BLMH: variants seen among roughly 807,000 people sequenced by gnomAD.
BLMH encodes bleomycin hydrolase, also known as BLM hydrolase.
In BLMH, 32 loss-of-function variants were observed where a neutral mutation model predicts 61.6. That is an observed-to-expected ratio of 0.52 (90% CI 0.39 to 0.70). The LOEUF (loss-of-function observed/expected upper bound fraction) is 0.70. Ranked by LOEUF, BLMH falls within the 30% of genes least tolerant of loss-of-function variation. BLMH has a pLI of 0.00. For synonymous variants in BLMH, 183 were observed against 193.8 expected (o/e 0.94, Z 0.46); for missense variants, 460 against 555.5 (o/e 0.83, Z 1.73).
At chr17:30,273,956 T>C in intron 7 of BLMH, 86 bp downstream of exon 7, 2 of 1,520,890 alleles carry the variant, frequency 1.3e-6, no homozygotes, top group Non-Finnish European at 1.8e-6. Context: ...TACTCATACA[T>C]GCTAACCAAG....
rs137881719 is a variant in BLMH at position 30,271,276 on chromosome 17, C to T, written c.1141G>A (p.Glu381Lys). The T allele has an allele frequency of 3.2e-3, 5,179 of 1,610,148 alleles. 11 individuals carry two copies. Among genetic ancestry groups the T allele is most frequent in the Non-Finnish European group, 4.0e-3 (4,684 of 1,176,440 alleles). Residue 381 changes from glutamate (E) to lysine (K), a missense_variant, in exon 10 of 12, where the codon GAG becomes AAG. Glu to Lys is a moderately conservative substitution (Grantham distance 56, BLOSUM62 1). Transcript: ENST00000261714. ...THAMTFTAVS[E>K]KDDQDGAFTK... ...AGGCATGCTGAGGGTCATACCTTCTCTGAGACAGCAGTGAAGGTCATGGCG... is the reference window on the plus strand; with the variant it reads ...AGGCATGCTGAGGGTCATACCTTCTTTGAGACAGCAGTGAAGGTCATGGCG...
chr17:30,285,563 T>C, intron 5 of BLMH, 83 bp from the exon 6 acceptor site: 1 of 1,122,816 alleles, frequency 8.9e-7, no homozygotes, highest in South Asian at 1.6e-5. Flanking sequence ...CAAGTTCTAT[T>C]TTGAGGTATA....
At chr17:30,249,283 TC>T in intron 11 of BLMH, 115 bp from the exon 12 acceptor site, 1 of 1,110,236 alleles carries the variant, frequency 9.0e-7, no homozygotes, top group Non-Finnish European at 1.3e-6. Flanking sequence ...TTTTCAGCTT[TC>T]CCATCTGTAA....
intron 11 of BLMH, among the ~76,000 whole-genome samples, chr17:30,263,882 G>C (rs1199430182): frequency 6.6e-6 from 1 of 152,118 alleles, no homozygotes; most frequent in Non-Finnish European, 1.5e-5. Context: ...GCAACAAACT[G>C]TTAACAATGT....
At position 30,286,898 on chromosome 17, in the gene BLMH, T is replaced by C; in HGVS notation, c.468A>G (p.Lys156=). The part of the protein sequence containing the change: ...QWDMLVNIVE[K]YGVIPKKCFP... ...AGCATTTCTTAGGGATAACACCATA[T>C]TTTTCTAAAAGAAAACAAATTCTAG... Residue 156 remains lysine, a synonymous_variant, in exon 5 of 12, where the codon AAA becomes AAG. Transcript: ENST00000261714. The C allele has an allele frequency of 3.8e-6, 6 of 1,575,706 alleles. No homozygotes were observed. Among genetic ancestry groups the C allele is most frequent in the Non-Finnish European group, 5.2e-6 (6 of 1,148,850 alleles).
intron 6 of BLMH, among the ~76,000 whole-genome samples, chr17:30,278,519 T>G (rs1297730523): frequency 6.6e-6 from 1 of 152,152 alleles, no homozygotes; most frequent in African/African-American, 2.4e-5. Context: ...TTCTGGCATA[T>G]TATACTTCTT....
Position 30,271,075 on chromosome 17 carries a change from T to C in BLMH, c.1146+196A>G, listed in dbSNP as rs145686847. ...TCCCTGCTGACCCAAATTCTCCTCA[T>C]AGAAAGTTCCTATTTTTATATTACC... On this transcript the variant is annotated intron_variant, in intron 10 of 11. Coordinates refer to ENST00000261714, the MANE Select transcript of BLMH (RefSeq NM_000386.4). Among the ~76,000 whole-genome samples the C allele has an allele frequency of 1.6e-4, 25 of 152,338 alleles. No homozygotes were observed. The East Asian group carries it at 4.8e-3, about 29-fold the overall frequency.
chr17:30,271,976 C>CT (rs1000408608), intron 9 of BLMH, among the ~76,000 whole-genome samples: 10 of 151,926 alleles, frequency 6.6e-5, no homozygotes, highest in South Asian at 2.1e-4. Context: ...CTCATTAATT[C>CT]TTTTTTTTAG....
At chr17:30,249,302 T>A in intron 11 of BLMH, 134 bp from the exon 12 acceptor site, 1 of 968,036 alleles carries the variant, frequency 1.0e-6, no homozygotes, top group Non-Finnish European at 1.5e-6. Flanking sequence ...TAATTTCATT[T>A]AATCTAAATC....
At chr17:30,261,153 T>A (rs989720037) in intron 11 of BLMH, among the ~76,000 whole-genome samples, 4 of 152,158 alleles carry the variant, frequency 2.6e-5, no homozygotes, top group African/African-American at 7.2e-5. Context: ...GACCTGCAAA[T>A]AACTGATTGT....
intron 11 of BLMH, among the ~76,000 whole-genome samples, chr17:30,253,555 C>A (rs1329209625): frequency 6.6e-6 from 1 of 152,136 alleles, no homozygotes; most frequent in Non-Finnish European, 1.5e-5. Flanking sequence ...GTGTCTGAAA[C>A]CTGTGTAGGA....
intron 6 of BLMH, among the ~76,000 whole-genome samples, chr17:30,283,518 CTTTTTTTTTTT>C (rs531841262): frequency 1.6e-5 from 2 of 127,046 alleles, no homozygotes; most frequent in African/African-American, 3.1e-5. Context: ...ATACCTCCAT[CTTTTTTTTTTT>C]TTTTTTTTTT....
intron 6 of BLMH, among the ~76,000 whole-genome samples, chr17:30,284,638 A>AT (rs1908680453): frequency 6.6e-6 from 1 of 152,232 alleles, no homozygotes; most frequent in Non-Finnish European, 1.5e-5. Flanking sequence ...TTACCACCTC[A>AT]TATTTTAGTG....
In BLMH at chr17:30,272,821, C is replaced by T. The variant is rs1461235305; in HGVS notation, c.880G>A (p.Gly294Arg). 6.2e-7 allele frequency: 1 copy of T among 1,614,162 alleles called. No homozygotes were observed. Residue 294 changes from glycine to arginine, a missense_variant, in exon 8 of 12, where the codon GGA (glycine) becomes AGA (arginine). Gly to Arg is a moderately radical substitution (Grantham distance 125). Coordinates refer to ENST00000261714, the MANE Select transcript of BLMH (RefSeq NM_000386.4). ...YTVEYLSNMV[G>R]GRKTLYNNQP... ...TTGTTGTATAGAGTTTTTCTCCCTC[C>T]AACCATATTGCTTAAGTATTCCACT... is the stretch of plus-strand genomic sequence containing the variant.
At chr17:30,262,175 A>G (rs753360473) in intron 11 of BLMH, among the ~76,000 whole-genome samples, 1 of 152,252 alleles carries the variant, frequency 6.6e-6, no homozygotes, top group African/African-American at 2.4e-5. Context: ...GTTGTTACTT[A>G]TCATATTGAG....
At chr17:30,286,463 C>G (rs1003540364) in intron 5 of BLMH, among the ~76,000 whole-genome samples, 14 of 152,186 alleles carry the variant, frequency 9.2e-5, no homozygotes, top group Admixed American at 6.5e-4. Flanking sequence ...TTTGGTTTTA[C>G]TAGCACATAA....
At chr17:30,274,711 G>A (rs903204072) in intron 6 of BLMH, among the ~76,000 whole-genome samples, 4 of 152,150 alleles carry the variant, frequency 2.6e-5, no homozygotes, top group Non-Finnish European at 5.9e-5. Flanking sequence ...GCCAGGTGCA[G>A]TGGTTCATGC....
chr17:30,259,396 T>C (rs1158467937), intron 11 of BLMH, among the ~76,000 whole-genome samples: 1 of 152,174 alleles, frequency 6.6e-6, no homozygotes, highest in African/African-American at 2.4e-5. Flanking sequence ...TGTTCCACTA[T>C]TTACCACCAT....
chr17:30,263,923 T>G (rs559518926), intron 11 of BLMH, among the ~76,000 whole-genome samples: 4 of 152,328 alleles, frequency 2.6e-5, no homozygotes, highest in African/African-American at 9.6e-5. Context: ...CAGCAATGCT[T>G]CTTAAGGTTG....
Sources: gnomAD v4.1 joint callset for allele counts (sites outside exome capture counted in the v4.1 genomes callset) on GRCh38, gnomAD v4.1.1 for gene constraint, MANE v1.5 for transcripts, NCBI Gene and HGNC (gene_info 2026-07-23, HGNC 2026-07-21) for gene names.